Variants in FRAS1 observed in about 807,000 individuals in gnomAD.
The protein encoded by FRAS1 is extracellular matrix organizing protein FRAS1.
Under a neutral mutation model 435.2 loss-of-function variants are expected in FRAS1, and 290 were observed. The ratio of observed to expected loss-of-function variants is 0.67; its 90% confidence interval spans 0.61 to 0.73. The LOEUF is 0.73. FRAS1 is among the 30% of genes least tolerant of loss of function. The probability of loss-of-function intolerance (pLI) is 0.00; values close to 1 mark genes in which losing one functional copy is unlikely to be tolerated. For missense variants in FRAS1, 4,860 were observed against 5,001.5 expected, an observed-to-expected ratio of 0.97 and a Z score of 0.85; for synonymous variants, 1,800 against 1,851.0, an observed-to-expected ratio of 0.97 and a Z score of 0.71.
intron 2 of FRAS1, among the ~76,000 whole-genome samples, chr4:78,179,957 A>G (rs917886155): frequency 6.6e-6 from 1 of 152,224 alleles, no homozygotes; most frequent in African/African-American, 2.4e-5. Flanking sequence ...TTGACTACTA[A>G]TGATATCACT....
intron 60 of FRAS1, among the ~76,000 whole-genome samples, chr4:78,498,842 T>TTTTATTTTATTTA (rs1553892285): frequency 6.8e-6 from 1 of 147,688 alleles, no homozygotes. Flanking sequence ...CAATATATTA[T>TTTTATTTTATTTA]TTTATTTATT....
intron 6 of FRAS1, among the ~76,000 whole-genome samples, chr4:78,262,059 C>T (rs1417018463): frequency 6.6e-6 from 1 of 152,150 alleles, no homozygotes; most frequent in African/African-American, 2.4e-5. Context: ...AGGAAATAAG[C>T]ATGCCACCTA....
At chr4:78,227,429 T>G (rs1482297494) in intron 2 of FRAS1, among the ~76,000 whole-genome samples, 1 of 152,216 alleles carries the variant, frequency 6.6e-6, no homozygotes, top group Non-Finnish European at 1.5e-5. Flanking sequence ...TATGGCCTCA[T>G]GTAGGAGACC....
chr4:78,298,297 G>GTGTA, intron 14 of FRAS1, among the ~76,000 whole-genome samples: 1 of 148,380 alleles, frequency 6.7e-6, no homozygotes, highest in Non-Finnish European at 1.5e-5. Context: ...ATTATAAGGT[G>GTGTA]TATATATATA....
intron 63 of FRAS1, 69 bp downstream of exon 63, chr4:78,509,075 G>C (rs1245944412): frequency 3.9e-6 from 6 of 1,542,330 alleles, no homozygotes; most frequent in Non-Finnish European, 5.3e-6. Context: ...TTGTTACTCA[G>C]ATAATCAAAT....
chr4:78,232,092 A>T (rs1171121724), intron 2 of FRAS1, among the ~76,000 whole-genome samples: 1 of 152,186 alleles, frequency 6.6e-6, no homozygotes, highest in Non-Finnish European at 1.5e-5. Flanking sequence ...TTATGGCTTT[A>T]TCCAAAGTTC....
At chr4:78,430,749 C>T (rs1734186964) in intron 37 of FRAS1, among the ~76,000 whole-genome samples, 1 of 152,054 alleles carries the variant, frequency 6.6e-6, no homozygotes, top group African/African-American at 2.4e-5. Context: ...TAGCACTGTT[C>T]ATGGAGATGA....
rs6813102 is a variant in FRAS1 at position 78,430,406 on chromosome 4, C to G, written c.4958C>G (p.Pro1653Arg). Reference sequence around the variant, plus strand: ...AAGCATACAGCTGAGTTCCGAAGGCCGATGGCCACAGGTAGCTACACACCT... The same window carrying G: ...AAGCATACAGCTGAGTTCCGAAGGCGGATGGCCACAGGTAGCTACACACCT... ...LLKHTAEFRR[P>R]MATGDTFTYE... The change falls in exon 37 of 74, where the codon CCG becomes CGG. Residue 1653 changes from proline to arginine, a missense_variant. Physicochemically the swap from Pro to Arg is moderately radical, Grantham distance 103. Transcript: ENST00000512123. 1.2e-6 allele frequency: 2 copies of G among 1,612,746 alleles called. No individual in the cohort carries two copies. The highest frequency in any genetic ancestry group is 2.7e-5 in the African/African-American group (2 of 74,850).
At chr4:78,400,996 C>A in intron 30 of FRAS1, 109 bp downstream of exon 30, 1 of 933,920 alleles carries the variant, frequency 1.1e-6, no homozygotes, top group South Asian at 2.0e-5. Context: ...ACTGAGCTTT[C>A]TAATACCTTA....
At chr4:78,152,607 CTTTT>C (rs71214398) in intron 2 of FRAS1, among the ~76,000 whole-genome samples, 4,833 of 72,458 alleles carry the variant, frequency 0.067, 66 homozygotes, top group Middle Eastern at 0.12. Flanking sequence ...ATGTAGGCTG[CTTTT>C]TTTTTTTTTT....
At chr4:78,119,652 G>A (rs1402287202) in intron 2 of FRAS1, among the ~76,000 whole-genome samples, 1 of 152,130 alleles carries the variant, frequency 6.6e-6, no homozygotes, top group Non-Finnish European at 1.5e-5. Flanking sequence ...AAAAAACAGG[G>A]GTAATAGTTC....
Position 78,387,400 on chromosome 4 carries a change from T to G in FRAS1, c.3674T>G (p.Val1225Gly). 6.2e-7 allele frequency: 1 copy of G among 1,611,666 alleles called. No homozygotes were observed. Among genetic ancestry groups the G allele is most frequent in the Admixed American group, 1.7e-5 (1 of 59,974 alleles). The part of the protein sequence containing the change: ...TQAPYVLRNE[V>G]LHISRGERAT... ...GCCCCCTATGTGCTGAGAAATGAAG[T>G]TCTCCACATTAGCAGAGGAGAGAGG... The change falls in exon 29 of 74, where the codon GTT becomes GGT. Residue 1225 changes from valine (V) to glycine (G), a missense_variant. Coordinates refer to ENST00000512123, the MANE Select transcript of FRAS1 (RefSeq NM_025074.7).
intron 58 of FRAS1, 93 bp downstream of exon 58, chr4:78,482,628 T>C: frequency 7.4e-7 from 1 of 1,343,502 alleles, no homozygotes; most frequent in South Asian, 1.3e-5. Context: ...CATTCACATT[T>C]TCATTCAAGA....
At chr4:78,088,372 G>A (rs1229361403) in intron 2 of FRAS1, among the ~76,000 whole-genome samples, 1 of 152,128 alleles carries the variant, frequency 6.6e-6, no homozygotes, top group African/African-American at 2.4e-5. Flanking sequence ...GCATGGGCAA[G>A]GACTTCATGT....
intron 2 of FRAS1, among the ~76,000 whole-genome samples, chr4:78,135,249 T>C (rs1043146264): frequency 6.6e-6 from 1 of 152,208 alleles, no homozygotes; most frequent in Non-Finnish European, 1.5e-5. Context: ...CCTTCTTGCA[T>C]CTTTTCTTTT....
At chr4:78,176,062 G>C (rs1488691988) in intron 2 of FRAS1, among the ~76,000 whole-genome samples, 2 of 152,160 alleles carry the variant, frequency 1.3e-5, no homozygotes, top group Admixed American at 1.3e-4. Context: ...ACTATCAGGG[G>C]AATTTTTATG....
intron 52 of FRAS1, 110 bp downstream of exon 52, chr4:78,472,440 C>A (rs1719738845): frequency 2.1e-6 from 2 of 930,296 alleles, no homozygotes; most frequent in Non-Finnish European, 3.1e-6. Flanking sequence ...CCCAAGTAAC[C>A]ACTTTGCAGA....
chr4:78,360,187 G>A (rs925540508), intron 20 of FRAS1, among the ~76,000 whole-genome samples: 1 of 152,194 alleles, frequency 6.6e-6, no homozygotes, highest in Non-Finnish European at 1.5e-5. Flanking sequence ...GTTTTGAGAA[G>A]GAGGGCTGCT....
intron 2 of FRAS1, among the ~76,000 whole-genome samples, chr4:78,161,826 C>T (rs1315756022): frequency 2.1e-5 from 3 of 145,156 alleles, no homozygotes; most frequent in Non-Finnish European, 4.5e-5. Flanking sequence ...TCTGAAATTT[C>T]ATCTAGTGCC....
Sources: gnomAD v4.1 joint callset for allele counts (sites outside exome capture counted in the v4.1 genomes callset) on GRCh38, gnomAD v4.1.1 for gene constraint, MANE v1.5 for transcripts, NCBI Gene and HGNC (gene_info 2026-07-23, HGNC 2026-07-21) for gene names.